ME1: variants seen among roughly 807,000 people sequenced by gnomAD.
ME1 encodes malic enzyme 1, also known as NADP-dependent malic enzyme.
Under a neutral mutation model 66.4 loss-of-function variants are expected in ME1, and 74 were observed. The ratio of observed to expected loss-of-function variants is 1.11; its 90% confidence interval spans 0.92 to 1.35. The LOEUF is 1.35. Ranked by LOEUF, ME1 falls within the 40% of genes most tolerant of loss-of-function variation. ME1 has a pLI of 0.00. For missense variants in ME1, 750 were observed against 694.1 expected (o/e 1.08, Z -0.90); for synonymous variants, 251 against 235.6 (o/e 1.07, Z -0.60).
chr6:83,375,205 T>C (rs1258890558), intron 3 of ME1, among the ~76,000 whole-genome samples: 1 of 152,194 alleles, frequency 6.6e-6, no homozygotes, highest in African/African-American at 2.4e-5. Flanking sequence ...ATTTTCACAA[T>C]ATTGATTCTT....
intron 7 of ME1, among the ~76,000 whole-genome samples, chr6:83,243,836 A>AT (rs1330404186): frequency 7.6e-6 from 1 of 131,720 alleles, no homozygotes; most frequent in African/African-American, 2.9e-5. Flanking sequence ...ATAATATATA[A>AT]TATAAATTAT....
At chr6:83,389,443 T>C (rs1414274650) in intron 3 of ME1, among the ~76,000 whole-genome samples, 2 of 152,046 alleles carry the variant, frequency 1.3e-5, no homozygotes, top group African/African-American at 4.8e-5. Context: ...ACTTACAATA[T>C]AGTTGAGACA....
intron 3 of ME1, chr6:83,392,796 T>C: frequency 5.6e-6 from 4 of 710,766 alleles, no homozygotes; most frequent in South Asian, 4.0e-5. Flanking sequence ...CCTCTGCTGA[T>C]GCCCCCATGT....
chr6:83,291,315 G>A (rs1018184716), intron 6 of ME1, among the ~76,000 whole-genome samples: 1 of 152,118 alleles, frequency 6.6e-6, no homozygotes, highest in African/African-American at 2.4e-5. Context: ...GGCAGGCCTG[G>A]TGGTGACAAA....
intron 6 of ME1, among the ~76,000 whole-genome samples, chr6:83,276,805 A>G (rs868840300): frequency 2.0e-5 from 3 of 152,176 alleles, no homozygotes; most frequent in Non-Finnish European, 2.9e-5. Context: ...AACGATCTTA[A>G]TTTTTATTAT....
At chr6:83,293,307 T>C (rs1474571981) in intron 6 of ME1, among the ~76,000 whole-genome samples, 1 of 152,198 alleles carries the variant, frequency 6.6e-6, no homozygotes, top group African/African-American at 2.4e-5. Context: ...TTTTTAAATG[T>C]ACAGTTCAGA....
intron 3 of ME1, among the ~76,000 whole-genome samples, chr6:83,379,733 ATGT>A (rs1479991936): frequency 1.3e-5 from 2 of 152,068 alleles, no homozygotes; most frequent in African/African-American, 2.4e-5. Flanking sequence ...TAAACCAATT[ATGT>A]TCCAATGATA....
intron 3 of ME1, among the ~76,000 whole-genome samples, chr6:83,369,092 C>T (rs1382722959): frequency 6.6e-6 from 1 of 152,028 alleles, no homozygotes; most frequent in Non-Finnish European, 1.5e-5. Flanking sequence ...GATATATATG[C>T]TTTAAAGAAT....
intron 5 of ME1, among the ~76,000 whole-genome samples, chr6:83,327,442 G>C (rs1768318170): frequency 6.6e-6 from 1 of 152,166 alleles, no homozygotes; most frequent in Non-Finnish European, 1.5e-5. Flanking sequence ...GCACCTAGGG[G>C]TAGGTCTCTG....
intron 12 of ME1, among the ~76,000 whole-genome samples, chr6:83,219,100 G>C (rs980304162): frequency 2.0e-5 from 3 of 152,244 alleles, no homozygotes; most frequent in African/African-American, 7.2e-5. Context: ...ACAAGAGGGA[G>C]AGCTGGTGGA....
At chr6:83,386,758 G>A (rs935029300) in intron 3 of ME1, among the ~76,000 whole-genome samples, 2 of 150,654 alleles carry the variant, frequency 1.3e-5, no homozygotes, top group South Asian at 2.1e-4. Context: ...TTAGGAGATG[G>A]GGCCTTTGGG....
rs570842953 is a variant in ME1 at position 83,383,508 on chromosome 6, G to T, written c.362+14859C>A. Reference sequence around the variant, plus strand: ...GACTGTTGTTCTGATAAACTCCAAAGTACTTTTCATGGTAAAAAGCACTGG... The same window carrying T: ...GACTGTTGTTCTGATAAACTCCAAATTACTTTTCATGGTAAAAAGCACTGG... On this transcript the variant is annotated intron_variant, in intron 3 of 13. Transcript: ENST00000369705. Among the ~76,000 whole-genome samples, 21 of 151,882 alleles carry T rather than the reference G, an allele frequency of 1.4e-4. No homozygotes were observed. The East Asian group carries it at 4.1e-3, about 29-fold the overall frequency.
chr6:83,342,106 T>C (rs1562485376), intron 5 of ME1, among the ~76,000 whole-genome samples: 1 of 152,260 alleles, frequency 6.6e-6, no homozygotes, highest in African/African-American at 2.4e-5. Flanking sequence ...TTGGTTGCTT[T>C]CTGCAACCAA....
intron 5 of ME1, among the ~76,000 whole-genome samples, chr6:83,322,275 C>A (rs914103235): frequency 6.6e-6 from 1 of 152,112 alleles, no homozygotes; most frequent in African/African-American, 2.4e-5. Flanking sequence ...TCCTCACCAG[C>A]AAGGGAATAA....
intron 6 of ME1, among the ~76,000 whole-genome samples, chr6:83,299,516 T>G (rs537823698): frequency 1.3e-3 from 199 of 152,160 alleles, no homozygotes; most frequent in Non-Finnish European, 2.6e-3. Context: ...ACCATGGGGT[T>G]TTCTAGGTAT....
intron 6 of ME1, among the ~76,000 whole-genome samples, chr6:83,294,515 G>C (rs1209015928): frequency 6.6e-6 from 1 of 151,982 alleles, no homozygotes; most frequent in Non-Finnish European, 1.5e-5. Flanking sequence ...AGAGCCCCCT[G>C]CTCAGGCCAG....
At chr6:83,280,029 G>A (rs1273701976) in intron 6 of ME1, among the ~76,000 whole-genome samples, 1 of 152,112 alleles carries the variant, frequency 6.6e-6, no homozygotes, top group Non-Finnish European at 1.5e-5. Context: ...GTAATACACT[G>A]ATATACTGTA....
intron 6 of ME1, among the ~76,000 whole-genome samples, chr6:83,299,741 C>A (rs1767677943): frequency 6.6e-6 from 1 of 152,140 alleles, no homozygotes; most frequent in Admixed American, 6.5e-5. Flanking sequence ...GTGGGTCTGT[C>A]ATAAATGGCT....
At chr6:83,373,721 A>G (rs1240945765) in intron 3 of ME1, among the ~76,000 whole-genome samples, 3 of 152,128 alleles carry the variant, frequency 2.0e-5, no homozygotes. Context: ...TCATCTAGGT[A>G]TTAAGCCCTG....
Sources: allele counts gnomAD v4.1 joint callset (sites outside exome capture counted in the v4.1 genomes callset), GRCh38; gene constraint gnomAD v4.1.1; transcripts MANE v1.5; gene names NCBI Gene and HGNC (gene_info 2026-07-23, HGNC 2026-07-21).